DOK6: variants seen among roughly 807,000 people sequenced by gnomAD.
The protein encoded by DOK6 is downstream of tyrosine kinase 6.
In DOK6, 22 loss-of-function variants were observed where a neutral mutation model predicts 44.0. That is an observed-to-expected ratio of 0.50 (90% CI 0.36 to 0.71). DOK6 has a LOEUF of 0.71. Ranked by LOEUF, DOK6 falls within the 30% of genes least tolerant of loss-of-function variation. The pLI is 0.00. For missense variants in DOK6, 340 were observed against 416.4 expected (o/e 0.82, Z 1.60); for synonymous variants, 166 against 145.5 (o/e 1.14, Z -1.01).
intron 5 of DOK6, among the ~76,000 whole-genome samples, chr18:69,704,639 C>T (rs571186026): frequency 3.0e-4 from 46 of 152,080 alleles, no homozygotes; most frequent in South Asian, 8.3e-4. Context: ...CCACCATGCC[C>T]AGCTAATTTT....
chr18:69,649,364 A>G (rs1009379305), intron 3 of DOK6, among the ~76,000 whole-genome samples: 7 of 152,240 alleles, frequency 4.6e-5, no homozygotes, highest in African/African-American at 1.7e-4. Context: ...GATCTAAAAA[A>G]TGACACCCTT....
At chr18:69,632,895 G>A (rs777126505) in intron 3 of DOK6, among the ~76,000 whole-genome samples, 1 of 152,112 alleles carries the variant, frequency 6.6e-6, no homozygotes, top group African/African-American at 2.4e-5. Context: ...GCCATCACTT[G>A]TAAGACACAA....
At chr18:69,760,712 G>A (rs1299189297) in intron 7 of DOK6, among the ~76,000 whole-genome samples, 2 of 146,168 alleles carry the variant, frequency 1.4e-5, no homozygotes, top group Non-Finnish European at 3.0e-5. Context: ...GTAGGAGCCT[G>A]CCTTTCCCGG....
intron 3 of DOK6, among the ~76,000 whole-genome samples, chr18:69,646,216 G>A (rs1368476982): frequency 6.6e-6 from 1 of 151,938 alleles, no homozygotes; most frequent in East Asian, 1.9e-4. Context: ...TTACAGTTTT[G>A]TTTTTTCTTC....
intron 7 of DOK6, among the ~76,000 whole-genome samples, chr18:69,801,364 C>T (rs1980901768): frequency 6.6e-6 from 1 of 152,000 alleles, no homozygotes; most frequent in African/African-American, 2.4e-5. Flanking sequence ...CTATTAAGTG[C>T]CAAAATTAAA....
intron 4 of DOK6, among the ~76,000 whole-genome samples, chr18:69,686,306 T>A (rs1350517317): frequency 6.6e-6 from 1 of 152,178 alleles, no homozygotes; most frequent in East Asian, 1.9e-4. Flanking sequence ...ACTTTGTATA[T>A]ATATTTTTTA....
chr18:69,760,245 A>C (rs2144756916), intron 7 of DOK6, among the ~76,000 whole-genome samples: 1 of 152,322 alleles, frequency 6.6e-6, no homozygotes, highest in South Asian at 2.1e-4. Flanking sequence ...GTAGAATAAA[A>C]CTATTGAAAA....
intron 3 of DOK6, among the ~76,000 whole-genome samples, chr18:69,665,323 C>A (rs544204815): frequency 6.6e-6 from 1 of 152,166 alleles, no homozygotes; most frequent in African/African-American, 2.4e-5. Flanking sequence ...AGCTAGAAAC[C>A]TATGACCCAA....
chr18:69,769,404 T>C (rs1979821531), intron 7 of DOK6, among the ~76,000 whole-genome samples: 1 of 152,108 alleles, frequency 6.6e-6, no homozygotes, highest in Non-Finnish European at 1.5e-5. Context: ...GGATTCTGTA[T>C]GTGCTCAAAA....
At chr18:69,595,228 A>G (rs915474017) in intron 2 of DOK6, among the ~76,000 whole-genome samples, 5 of 152,204 alleles carry the variant, frequency 3.3e-5, no homozygotes, top group African/African-American at 4.8e-5. Context: ...GTCTTTTTTT[A>G]CAGAATTAGA....
intron 7 of DOK6, among the ~76,000 whole-genome samples, chr18:69,759,528 G>A (rs1979473423): frequency 6.6e-6 from 1 of 151,952 alleles, no homozygotes; most frequent in Non-Finnish European, 1.5e-5. Flanking sequence ...CAAGGGTTTG[G>A]CCTATAATTC....
rs976292996 is a variant in DOK6 at position 69,528,254 on chromosome 18, ATG to A, written c.67-36231_67-36230del. The stretch of plus-strand genomic sequence containing the variant: ...TAAATTATCCATATCTCTAGAAAGA[ATG>A]TTCTTTCCTCCATTCTTTCCCATGT... On this transcript the variant is annotated intron_variant, in intron 1 of 7. Coordinates refer to ENST00000382713, the MANE Select transcript of DOK6 (RefSeq NM_152721.6). Among the ~76,000 whole-genome samples the A allele has an allele frequency of 6.6e-5, 10 of 152,210 alleles. No homozygotes were observed. The South Asian group carries it at 1.0e-3, about 16-fold the overall frequency.
At chr18:69,566,142 T>C (rs1340121964) in intron 2 of DOK6, among the ~76,000 whole-genome samples, 1 of 151,756 alleles carries the variant, frequency 6.6e-6, no homozygotes, top group Non-Finnish European at 1.5e-5. Context: ...TTTATTTATT[T>C]ATTTACTTAT....
Position 69,497,326 on chromosome 18 carries a change from G to T in DOK6, c.67-67161G>T, listed in dbSNP as rs80253883. The stretch of plus-strand genomic sequence containing the variant: ...ATAGAGAAGCTAAAGGGTCAGACTA[G>T]AGAAAGAACCAAATGTCGTCTGATG... On this transcript the variant is annotated intron_variant, in intron 1 of 7. Coordinates refer to ENST00000382713, the MANE Select transcript of DOK6 (RefSeq NM_152721.6). Among the ~76,000 whole-genome samples, 61 of 152,248 alleles carry T rather than the reference G, an allele frequency of 4.0e-4. No homozygotes were observed. In the East Asian group the frequency reaches 8.9e-3, roughly 22 times the overall value.
intron 1 of DOK6, among the ~76,000 whole-genome samples, chr18:69,417,953 T>C (rs989596529): frequency 6.6e-6 from 1 of 152,196 alleles, no homozygotes; most frequent in African/African-American, 2.4e-5. Context: ...ATCCCGTTTA[T>C]TAACCCCTTG....
At chr18:69,826,536 C>A (rs759310861) in intron 7 of DOK6, among the ~76,000 whole-genome samples, 1 of 152,156 alleles carries the variant, frequency 6.6e-6, no homozygotes, top group Non-Finnish European at 1.5e-5. Context: ...GCTAAACCCA[C>A]CTAGAAAAGT....
chr18:69,739,733 T>C (rs1978737161), intron 6 of DOK6, among the ~76,000 whole-genome samples: 2 of 152,192 alleles, frequency 1.3e-5, no homozygotes, highest in South Asian at 2.1e-4. Flanking sequence ...CTAATTTGCT[T>C]GAAAAAGCAA....
chr18:69,675,445 T>C (rs1345091647), intron 3 of DOK6, among the ~76,000 whole-genome samples: 1 of 152,194 alleles, frequency 6.6e-6, no homozygotes, highest in Non-Finnish European at 1.5e-5. Flanking sequence ...GGAAATACTA[T>C]TACAAAGAAT....
chr18:69,720,767 G>T (rs1986988559), intron 5 of DOK6, among the ~76,000 whole-genome samples: 1 of 152,124 alleles, frequency 6.6e-6, no homozygotes, highest in Non-Finnish European at 1.5e-5. Flanking sequence ...CACAGTGCCA[G>T]ATAGACAAGT....
Sources: gnomAD v4.1 joint callset for allele counts (sites outside exome capture counted in the v4.1 genomes callset) on GRCh38, gnomAD v4.1.1 for gene constraint, MANE v1.5 for transcripts, NCBI Gene and HGNC (gene_info 2026-07-23, HGNC 2026-07-21) for gene names.